CADM2: variants seen among roughly 807,000 people sequenced by gnomAD.
CADM2 encodes cell adhesion molecule 2.
Under a neutral mutation model 49.8 loss-of-function variants are expected in CADM2, and 12 were observed. That is an observed-to-expected ratio of 0.24 (90% CI 0.15 to 0.39). The LOEUF is 0.39. Ranked by LOEUF, CADM2 falls within the 10% of genes least tolerant of loss-of-function variation. CADM2 has a pLI of 1.00. For synonymous variants in CADM2, 214 were observed against 175.4 expected, an observed-to-expected ratio of 1.22 and a Z score of -1.74; for missense variants, 378 against 492.3, an observed-to-expected ratio of 0.77 and a Z score of 2.20.
intron 1 of CADM2, among the ~76,000 whole-genome samples, chr3:85,359,666 A>ATATATATATATATATATATATATT: frequency 4.5e-4 from 12 of 26,550 alleles, no homozygotes; most frequent in Admixed American, 1.7e-3. Flanking sequence ...ATATATATAT[A>ATATATATATATATATATATATATT]TTTTTTTTTT....
intron 3 of CADM2, among the ~76,000 whole-genome samples, chr3:85,864,056 C>G (rs555412950): frequency 6.6e-6 from 1 of 152,016 alleles, no homozygotes; most frequent in Non-Finnish European, 1.5e-5. Context: ...GATCTTAGGA[C>G]GAGAGTCCAG....
chr3:86,041,402 G>A (rs1437664862), intron 8 of CADM2, among the ~76,000 whole-genome samples: 2 of 151,754 alleles, frequency 1.3e-5, no homozygotes, highest in Non-Finnish European at 2.9e-5. Context: ...CGAAGCAAAT[G>A]GAAAACAAAA....
At chr3:85,871,705 T>C (rs2075936354) in intron 3 of CADM2, among the ~76,000 whole-genome samples, 1 of 152,170 alleles carries the variant, frequency 6.6e-6, no homozygotes, top group South Asian at 2.1e-4. Context: ...ACTCTATCGT[T>C]GTCATCATCA....
At chr3:85,190,781 C>G (rs1013114532) in intron 1 of CADM2, among the ~76,000 whole-genome samples, 5 of 152,108 alleles carry the variant, frequency 3.3e-5, no homozygotes, top group Non-Finnish European at 5.9e-5. Context: ...AGTGATTATA[C>G]TTTCTTACCG....
chr3:85,554,726 T>G (rs2061906083), intron 1 of CADM2, among the ~76,000 whole-genome samples: 1 of 152,120 alleles, frequency 6.6e-6, no homozygotes, highest in African/African-American at 2.4e-5. Flanking sequence ...GACAAATTCT[T>G]GCTGTGTTGC....
chr3:85,762,603 C>CTG (rs1421975553), intron 2 of CADM2, among the ~76,000 whole-genome samples: 1 of 116,914 alleles, frequency 8.6e-6, no homozygotes, highest in African/African-American at 4.0e-5. Flanking sequence ...TCCTCTCTCT[C>CTG]TCTCTCTCTC....
chr3:85,061,671 T>G (rs2036322021), intron 1 of CADM2, among the ~76,000 whole-genome samples: 1 of 152,132 alleles, frequency 6.6e-6, no homozygotes, highest in Non-Finnish European at 1.5e-5. Flanking sequence ...CCTTTTTTCA[T>G]GCAATCTAAG....
At chr3:85,431,361 G>A (rs763659460) in intron 1 of CADM2, among the ~76,000 whole-genome samples, 1 of 152,022 alleles carries the variant, frequency 6.6e-6, no homozygotes, top group South Asian at 2.1e-4. Context: ...TAATAAATAC[G>A]AGCTAAATTA....
At chr3:86,001,834 C>T (rs563542017) in intron 8 of CADM2, among the ~76,000 whole-genome samples, 35 of 152,070 alleles carry the variant, frequency 2.3e-4, no homozygotes, top group African/African-American at 7.7e-4. Flanking sequence ...GAAAAATATA[C>T]AAATCTGGAG....
chr3:85,353,630 CCTTT>C (rs1466091339), intron 1 of CADM2, among the ~76,000 whole-genome samples: 2 of 150,958 alleles, frequency 1.3e-5, no homozygotes, highest in Non-Finnish European at 3.0e-5. Flanking sequence ...CTTAGATTTC[CCTTT>C]CTTAACAACC....
At chr3:85,711,677 T>G (rs1300980849) in intron 1 of CADM2, among the ~76,000 whole-genome samples, 2 of 152,176 alleles carry the variant, frequency 1.3e-5, no homozygotes, top group Non-Finnish European at 2.9e-5. Context: ...TAAAACTGTT[T>G]TTATTTTTCA....
intron 2 of CADM2, among the ~76,000 whole-genome samples, chr3:85,731,818 G>C (rs984360233): frequency 6.6e-6 from 1 of 151,864 alleles, no homozygotes; most frequent in African/African-American, 2.4e-5. Flanking sequence ...TTATGACAAA[G>C]AGAGGCTTAT....
At chr3:85,961,231 T>G (rs1457481063) in intron 7 of CADM2, among the ~76,000 whole-genome samples, 1 of 150,712 alleles carries the variant, frequency 6.6e-6, no homozygotes, top group Admixed American at 6.6e-5. Flanking sequence ...CTACTGGGAC[T>G]CAACAAATTA....
intron 8 of CADM2, chr3:86,012,728 G>A (rs1359455786): frequency 4.6e-6 from 4 of 869,158 alleles, no homozygotes; most frequent in South Asian, 1.4e-5. Flanking sequence ...GTTGACTCAC[G>A]CCTGTAATCC....
intron 1 of CADM2, among the ~76,000 whole-genome samples, chr3:85,395,026 G>A (rs1349579267): frequency 2.0e-5 from 3 of 151,828 alleles, no homozygotes; most frequent in Non-Finnish European, 2.9e-5. Flanking sequence ...GCAGTTTTTT[G>A]TAATATTTTT....
chr3:85,408,098 A>G (rs1041105700), intron 1 of CADM2, among the ~76,000 whole-genome samples: 1 of 151,760 alleles, frequency 6.6e-6, no homozygotes, highest in Admixed American at 6.6e-5. Context: ...CTAGAATTGA[A>G]GTGTGAAACT....
intron 1 of CADM2, among the ~76,000 whole-genome samples, chr3:85,583,840 G>A (rs1283454790): frequency 6.6e-6 from 1 of 151,866 alleles, no homozygotes; most frequent in Non-Finnish European, 1.5e-5. Context: ...TCAAAAATAA[G>A]CAGAATGCTT....
chr3:85,715,827 A>G (rs1459615694), intron 1 of CADM2, among the ~76,000 whole-genome samples: 1 of 152,190 alleles, frequency 6.6e-6, no homozygotes, highest in East Asian at 1.9e-4. Flanking sequence ...CCTGCAAAGG[A>G]CATGAAAGAA....
At chr3:85,869,015 AT>A (rs1388684804) in intron 3 of CADM2, among the ~76,000 whole-genome samples, 1 of 151,876 alleles carries the variant, frequency 6.6e-6, no homozygotes, top group Non-Finnish European at 1.5e-5. Context: ...GGATTTAAAC[AT>A]TTTTATTATA....
Sources: allele counts gnomAD v4.1 joint callset (sites outside exome capture counted in the v4.1 genomes callset), GRCh38; gene constraint gnomAD v4.1.1; transcripts MANE v1.5; gene names NCBI Gene and HGNC (gene_info 2026-07-23, HGNC 2026-07-21).